KLHL3: variants seen among roughly 807,000 people sequenced by gnomAD.
KLHL3 encodes kelch like family member 3.
KLHL3 carries 19 observed loss-of-function variants against 70.5 expected under a neutral mutation model. That is an observed-to-expected ratio of 0.27 (90% CI 0.19 to 0.40). The LOEUF (loss-of-function observed/expected upper bound fraction) is 0.40. KLHL3 is among the 10% of genes least tolerant of loss of function. The probability of loss-of-function intolerance (pLI) is 1.00; values close to 1 mark genes in which losing one functional copy is unlikely to be tolerated. For missense variants in KLHL3, 512 were observed against 771.1 expected, an observed-to-expected ratio of 0.66 and a Z score of 3.98; for synonymous variants, 258 against 290.3, an observed-to-expected ratio of 0.89 and a Z score of 1.13.
intron 6 of KLHL3, among the ~76,000 whole-genome samples, chr5:137,663,056 CTTTTTTTTTTTTTTTT>C (rs139890036): frequency 2.6e-5 from 2 of 77,928 alleles, no homozygotes; most frequent in African/African-American, 5.4e-5. Context: ...AGCACTCGTT[CTTTTTTTTTTTTTTTT>C]TTTTTTTTTG....
At chr5:137,733,123 G>T (rs1753206921) in intron 1 of KLHL3, among the ~76,000 whole-genome samples, 1 of 152,168 alleles carries the variant, frequency 6.6e-6, no homozygotes, top group African/African-American at 2.4e-5. Flanking sequence ...ACCAGATTGA[G>T]GATCCCTCCA....
chr5:137,637,054 T>C (rs574400037), intron 11 of KLHL3, among the ~76,000 whole-genome samples: 6 of 152,298 alleles, frequency 3.9e-5, no homozygotes, highest in Admixed American at 1.3e-4. Flanking sequence ...GCATTTCCCC[T>C]CTAGGCTCCT....
chr5:137,622,743 T>C (rs910214809), intron 14 of KLHL3, among the ~76,000 whole-genome samples: 2 of 152,206 alleles, frequency 1.3e-5, no homozygotes, highest in African/African-American at 4.8e-5. Flanking sequence ...TATGTTACTG[T>C]TTTAGTCCGA....
chr5:137,684,914 G>A (rs1752126287), intron 5 of KLHL3, among the ~76,000 whole-genome samples: 1 of 152,162 alleles, frequency 6.6e-6, no homozygotes, highest in African/African-American at 2.4e-5. Flanking sequence ...AAGATCTGGG[G>A]AACTTCCCTG....
At chr5:137,629,656 A>G (rs1487882508) in intron 12 of KLHL3, 1 of 152,222 alleles carries the variant, frequency 6.6e-6, no homozygotes, top group Non-Finnish European at 1.5e-5. Flanking sequence ...TTGAATAACA[A>G]AAATATAAAT....
chr5:137,727,505 C>T (rs559265719), intron 1 of KLHL3, among the ~76,000 whole-genome samples: 1 of 152,266 alleles, frequency 6.6e-6, no homozygotes, highest in South Asian at 2.1e-4. Flanking sequence ...GCCCTTAATC[C>T]CATCGTTGCC....
At chr5:137,662,405 G>T (rs1388513924) in intron 6 of KLHL3, among the ~76,000 whole-genome samples, 4 of 152,136 alleles carry the variant, frequency 2.6e-5, no homozygotes, top group African/African-American at 9.7e-5. Flanking sequence ...AATTTATAGA[G>T]GCTGCTCAGG....
In KLHL3 at chr5:137,643,478, T is replaced by C. The variant is rs1216714325; in HGVS notation, c.904-3501A>G. 2.0e-5 allele frequency among the ~76,000 whole-genome samples: 3 copies of C among 151,854 alleles called. 1 individual carries two copies. The highest frequency in any genetic ancestry group is 7.3e-5 in the African/African-American group (3 of 41,310). ...AAACTTGTACAACTATCTGGGAAAA[T>C]GAATTATGAGGTTTTGTGGGATAGG... is the stretch of plus-strand genomic sequence containing the variant. On this transcript the variant is annotated intron_variant, in intron 8 of 14. Coordinates refer to ENST00000309755, the MANE Select transcript of KLHL3 (RefSeq NM_017415.3).
intron 6 of KLHL3, among the ~76,000 whole-genome samples, chr5:137,669,061 C>G (rs530875527): frequency 6.6e-6 from 1 of 152,108 alleles, no homozygotes; most frequent in East Asian, 1.9e-4. Context: ...TCACAAGGAC[C>G]CTGTGAAACT....
chr5:137,725,560 T>C (rs1753072602), intron 1 of KLHL3, among the ~76,000 whole-genome samples: 1 of 152,164 alleles, frequency 6.6e-6, no homozygotes, highest in Admixed American at 6.5e-5. Flanking sequence ...ATATTTAAGA[T>C]TCAAATGGGT....
At chr5:137,694,404 A>G (rs145806722) in intron 4 of KLHL3, among the ~76,000 whole-genome samples, 1 of 152,362 alleles carries the variant, frequency 6.6e-6, no homozygotes, top group East Asian at 1.9e-4. Flanking sequence ...AAATGAACAC[A>G]GCCAGGATCC....
intron 3 of KLHL3, among the ~76,000 whole-genome samples, chr5:137,704,687 G>A (rs986100386): frequency 5.3e-5 from 8 of 152,224 alleles, no homozygotes; most frequent in African/African-American, 9.7e-5. Context: ...ACCACTGGAA[G>A]TGAATAGCAG....
intron 2 of KLHL3, 26 bp downstream of exon 2, chr5:137,720,439 G>C: frequency 6.2e-7 from 1 of 1,613,830 alleles, no homozygotes. Context: ...CCTTCTGCAA[G>C]GGCACGGACA....
rs563697819 is a variant in KLHL3 at position 137,719,514 on chromosome 5, G to C, written c.134+951C>G. 3.3e-5 allele frequency among the ~76,000 whole-genome samples: 5 copies of C among 152,244 alleles called. No individual in the cohort carries two copies. The East Asian group carries it at 9.6e-4, about 29-fold the overall frequency. On this transcript the variant is annotated intron_variant, in intron 2 of 14. Transcript: ENST00000309755. ...AGCTTCTGAGCTCTCTGGTAAAGAA[G>C]AGATCGTGTCCACAGGCTTTGTACA...
intron 6 of KLHL3, among the ~76,000 whole-genome samples, chr5:137,666,108 C>T (rs1350935812): frequency 6.6e-6 from 1 of 152,182 alleles, no homozygotes; most frequent in African/African-American, 2.4e-5. Context: ...CCATGAGAGA[C>T]CTTGTCTTAT....
chr5:137,710,138 C>T (rs189680690), intron 2 of KLHL3, among the ~76,000 whole-genome samples: 4 of 152,226 alleles, frequency 2.6e-5, no homozygotes, highest in African/African-American at 7.2e-5. Flanking sequence ...CTCTGTTCCC[C>T]AATTCTATCA....
intron 1 of KLHL3, among the ~76,000 whole-genome samples, chr5:137,733,958 A>G (rs2149941439): frequency 6.6e-6 from 1 of 152,326 alleles, no homozygotes; most frequent in South Asian, 2.1e-4. Context: ...CTTGTCTACC[A>G]TCTGCCTTCA....
Position 137,639,888 on chromosome 5 carries a change from A to C in KLHL3, c.993T>G (p.Ala331=). ...CTCTGCATCTTCTGGAAGGAAGCTCAGCAATCTGATCCCACCGGTCCTCCT... is the reference window on the plus strand; with the variant it reads ...CTCTGCATCTTCTGGAAGGAAGCTCCGCAATCTGATCCCACCGGTCCTCCT... ...DFEEDRWDQI[A]ELPSRRCRAG... is the part of the protein sequence containing the mutation. The change falls in exon 9 of 15, where the codon GCT becomes GCG. Residue 331 remains alanine (A), a synonymous_variant. Coordinates refer to ENST00000309755, the MANE Select transcript of KLHL3 (RefSeq NM_017415.3). This position sits in a 1 kb window ranked among gnomAD's most constrained non-coding sequence, Gnocchi z 5.0. 1 of 1,614,136 alleles carries C rather than the reference A, an allele frequency of 6.2e-7. No homozygotes were observed.
rs779755288 is a variant in KLHL3, at chr5:137,661,907, A to G, written c.753+8T>C. On this transcript the variant is annotated splice_region_variant and intron_variant, in intron 7 of 14. Coordinates refer to ENST00000309755, the MANE Select transcript of KLHL3 (RefSeq NM_017415.3). ...ACAGAAGTGCTTGGCTCTTCATACAACACTCACTTGGACTAGGTAGTCCCT... is the reference window on the plus strand; with the variant it reads ...ACAGAAGTGCTTGGCTCTTCATACAGCACTCACTTGGACTAGGTAGTCCCT... 4 of 1,472,032 alleles carry G rather than the reference A, an allele frequency of 2.7e-6. No individual in the cohort carries two copies. In the African/African-American group the frequency reaches 5.6e-5, roughly 20 times the overall value. The allele number at this position is 1,472,032 out of a possible 1,614,324, so 91.2% of individuals were successfully genotyped here.
Sources: gnomAD v4.1 joint callset for allele counts (sites outside exome capture counted in the v4.1 genomes callset) on GRCh38, gnomAD v4.1.1 for gene constraint, Gnocchi (gnomAD v3.1) non-coding constraint, MANE v1.5 for transcripts, NCBI Gene and HGNC (gene_info 2026-07-23, HGNC 2026-07-21) for gene names.